Variants in NCKAP5L observed in about 807,000 individuals in gnomAD.
NCKAP5L encodes the protein NCK associated protein 5 like.
Under a neutral mutation model 103.2 loss-of-function variants are expected in NCKAP5L, and 54 were observed. The ratio of observed to expected loss-of-function variants is 0.52; its 90% CI spans 0.42 to 0.66. The LOEUF (loss-of-function observed/expected upper bound fraction) is 0.66. Among genes scored for constraint, NCKAP5L ranks in the 30% least tolerant of loss-of-function variants. The probability of loss-of-function intolerance (pLI) is 0.00; values close to 1 mark genes in which losing one functional copy is unlikely to be tolerated. For missense variants in NCKAP5L, 1,733 were observed against 1,750.6 expected (o/e 0.99, Z 0.18); for synonymous variants, 762 against 748.6 (o/e 1.02, Z -0.29).
In NCKAP5L at chr12:49,791,670, C is replaced by T. The variant is rs1945936030; in HGVS notation, c.*169G>A. On this transcript the variant is annotated 3_prime_UTR_variant, in exon 13 of 13. Transcript: ENST00000335999. ...AGCTGAGCACGGTCATCTCATCCGC[C>T]GAAGCAGTGGGTGGTGGGGTGTGCC... 5.2e-6 allele frequency: 3 copies of T among 576,752 alleles called. No individual in the cohort carries two copies. The highest frequency in any genetic ancestry group is 3.4e-5 in the Admixed American group (1 of 29,284). 35.7% of individuals were successfully genotyped at this position (576,752 alleles called of 1,614,324 possible).
chr12:49,819,049 AAG>A (rs1053481829), intron 1 of NCKAP5L, among the ~76,000 whole-genome samples: 1 of 150,812 alleles, frequency 6.6e-6, no homozygotes, highest in African/African-American at 2.4e-5. Context: ...AAAAAAAAAA[AAG>A]GCCGGGTGCA....
At chr12:49,823,453 C>T (rs1013082609) in intron 1 of NCKAP5L, among the ~76,000 whole-genome samples, 51 of 152,222 alleles carry the variant, frequency 3.4e-4, no homozygotes, top group African/African-American at 1.2e-3. Context: ...GGGCCCCTCA[C>T]AGCCCTGCCT....
chr12:49,818,552 A>G (rs948125581), intron 1 of NCKAP5L, among the ~76,000 whole-genome samples: 6 of 151,908 alleles, frequency 3.9e-5, no homozygotes, highest in African/African-American at 1.5e-4. Flanking sequence ...GTAGAGACAG[A>G]CTTTGACCAC....
chr12:49,815,184 GGAC>G (rs1205505213), intron 1 of NCKAP5L, among the ~76,000 whole-genome samples: 4 of 152,114 alleles, frequency 2.6e-5, no homozygotes, highest in Non-Finnish European at 5.9e-5. Context: ...GCAATACTTT[GGAC>G]TATGTAAATA....
At chr12:49,793,480 C>A (rs1945974849) in intron 9 of NCKAP5L, 47 bp from the exon 10 acceptor site, 3 of 1,569,800 alleles carry the variant, frequency 1.9e-6, no homozygotes, top group Non-Finnish European at 2.6e-6. Context: ...CCCCCCTCCA[C>A]ACCCCTCCCC....
At chr12:49,824,615 A>G (rs1946396554) in intron 1 of NCKAP5L, among the ~76,000 whole-genome samples, 1 of 152,264 alleles carries the variant, frequency 6.6e-6, no homozygotes, top group Non-Finnish European at 1.5e-5. Context: ...GTGTCCCCGG[A>G]GGGAACCAGT....
intron 1 of NCKAP5L, among the ~76,000 whole-genome samples, chr12:49,821,042 G>A (rs1946356133): frequency 6.6e-6 from 1 of 152,186 alleles, no homozygotes; most frequent in Non-Finnish European, 1.5e-5. Flanking sequence ...CCTTGTGCGG[G>A]GTAAGGGTGG....
rs1334779484 is a variant in NCKAP5L, at chr12:49,796,747, A to C, written c.1113T>G (p.Ser371=). The C allele has an allele frequency of 1.1e-5, 18 of 1,612,770 alleles. No individual in the cohort carries two copies. The highest frequency in any genetic ancestry group is 1.5e-5 in the Non-Finnish European group (18 of 1,179,500). ...SSPDQAPPQL[S]KSKGLPKSAW... is the part of the protein sequence containing the mutation. ...CTGACTTGGGGAGGCCTTTGGACTT[A>C]GACAGCTGTGGGGGCGCCTGGTCTG... is the stretch of plus-strand genomic sequence containing the variant. Residue 371 remains serine, a synonymous_variant, in exon 8 of 13, where the codon TCT becomes TCG. Transcript: ENST00000335999.
Position 49,794,940 on chromosome 12 carries a change from TG to T in NCKAP5L, c.2919del (p.Lys974ArgfsTer16). 6.3e-7 allele frequency: 1 copy of T among 1,574,980 alleles called. No individual in the cohort carries two copies. The highest frequency in any genetic ancestry group is 8.6e-7 in the Non-Finnish European group (1 of 1,161,406). On this transcript the variant is annotated frameshift_variant, in exon 8 of 13. Transcript: ENST00000335999. LOFTEE classifies it high-confidence loss of function. Reference protein sequence around the residue: ...AESLNISKLMAKAEDLRRALE... With the variant: ...AESLNISKLMXKAEDLRRALE... ...AGTGCCCGACGCAGGTCTTCCGCCT[TG>T]GCCATCAGCTTGGAGATGTTGAGGC...
rs1162855537 is a variant in NCKAP5L at position 49,802,217 on chromosome 12, T to A, written c.232-250A>T. On this transcript the variant is annotated intron_variant, in intron 5 of 12. Coordinates refer to ENST00000335999, the MANE Select transcript of NCKAP5L (RefSeq NM_001037806.4). ...GAGGTAAATCCTATTCTCTTTGTTA[T>A]CTTTCTCATCCCTAGAATCGACCCC... 9.7e-6 allele frequency: 4 copies of A among 411,958 alleles called. No individual in the cohort carries two copies. In the East Asian group the frequency reaches 1.6e-4, roughly 17 times the overall value. 25.5% of individuals were successfully genotyped at this position (411,958 alleles called of 1,614,324 possible).
At position 49,820,756 on chromosome 12, in the gene NCKAP5L, C is replaced by T. The variant is rs75975380; in HGVS notation, c.-99+7566G>A. 3.8e-3 allele frequency among the ~76,000 whole-genome samples: 586 copies of T among 152,342 alleles called. 3 individuals carry two copies. The highest frequency in any genetic ancestry group is 0.013 in the African/African-American group (537 of 41,578). ...GTGACACCCCAAGCTGTCAGCTCTA[C>T]GCTGGGAGGAGAAAACAGCTCTGGT... On this transcript the variant is annotated intron_variant, in intron 1 of 12. Coordinates refer to ENST00000335999, the MANE Select transcript of NCKAP5L (RefSeq NM_001037806.4).
rs750564002 is a variant in NCKAP5L at position 49,796,319 on chromosome 12, T to A, written c.1541A>T (p.Glu514Val). ...GCTGGTGGGCAGGCCTTGCGCCCCC[T>A]CTGGGGACAGCTCTCCTCCACCCAG... The part of the protein sequence containing the change: ...RGLGGGELSP[E>V]GAQGLPTSPS... The change falls in exon 8 of 13, where the codon GAG (glutamate) becomes GTG (valine). Residue 514 changes from glutamate to valine, a missense_variant. Transcript: ENST00000335999. 1.9e-6 allele frequency: 3 copies of A among 1,544,324 alleles called. No homozygotes were observed. Among genetic ancestry groups the A allele is most frequent in the Non-Finnish European group, 2.6e-6 (3 of 1,145,326 alleles).
rs1441127003 is a variant in NCKAP5L, at chr12:49,797,206, C to T, written c.654G>A (p.Gly218=). 6.2e-7 allele frequency: 1 copy of T among 1,613,214 alleles called. No homozygotes were observed. The highest frequency in any genetic ancestry group is 1.1e-5 in the South Asian group (1 of 91,054). ...PATPWRPPGQ[G]PGSPEPINGE... ...CGTTGATGGGCTCTGGGGAGCCAGG[C>T]CCCTGGCCTGGAGGCCGCCAGGGGG... The change falls in exon 8 of 13, where the codon GGG becomes GGA. Residue 218 remains glycine, a synonymous_variant. Transcript: ENST00000335999. The surrounding 1 kb of genome is among the most constrained non-coding windows in gnomAD (Gnocchi z 4.5).
At chr12:49,807,595 C>T (rs1248708806) in intron 1 of NCKAP5L, among the ~76,000 whole-genome samples, 1 of 152,184 alleles carries the variant, frequency 6.6e-6, no homozygotes, top group Non-Finnish European at 1.5e-5. Context: ...TTGCTCATAA[C>T]ATTATCACGT....
intron 2 of NCKAP5L, 35 bp from the exon 3 acceptor site, chr12:49,804,115 G>A: frequency 1.9e-6 from 3 of 1,582,690 alleles, no homozygotes; most frequent in South Asian, 2.2e-5. Context: ...TGAGAAGGAG[G>A]AGGACAAAGA....
intron 1 of NCKAP5L, among the ~76,000 whole-genome samples, chr12:49,814,749 T>C (rs763778988): frequency 1.2e-4 from 19 of 152,210 alleles, no homozygotes; most frequent in Non-Finnish European, 2.2e-4. Flanking sequence ...AATGAAACTA[T>C]AGCCTTTATA....
chr12:49,811,208 C>T (rs766235369), intron 1 of NCKAP5L, among the ~76,000 whole-genome samples: 4 of 152,192 alleles, frequency 2.6e-5, no homozygotes, highest in East Asian at 1.9e-4. Flanking sequence ...CTTGTGCTTA[C>T]GCGCTCTCTC....
In NCKAP5L at chr12:49,796,201, A is replaced by C; in HGVS notation, c.1659T>G (p.Ser553=). The change falls in exon 8 of 13, where the codon TCT becomes TCG. Residue 553 remains serine (S), a synonymous_variant. Coordinates refer to ENST00000335999, the MANE Select transcript of NCKAP5L (RefSeq NM_001037806.4). The part of the protein sequence containing the change: ...STTLSPGPVV[S]PCYENILDLS... ...GGTCCAGAATGTTCTCATAGCAGGG[A>C]GACACCACTGGGCCTGGGGACAGCG... The C allele has an allele frequency of 6.2e-7, 1 of 1,600,338 alleles. No homozygotes were observed. Among genetic ancestry groups the C allele is most frequent in the Non-Finnish European group, 8.5e-7 (1 of 1,173,618 alleles).
At chr12:49,800,126 C>T (rs960672748) in intron 6 of NCKAP5L, among the ~76,000 whole-genome samples, 9 of 152,224 alleles carry the variant, frequency 5.9e-5, no homozygotes, top group African/African-American at 2.2e-4. Context: ...GCCCGGGAGG[C>T]AGAGGTTGCG....
Sources: allele counts gnomAD v4.1 joint callset (sites outside exome capture counted in the v4.1 genomes callset), GRCh38; gene constraint gnomAD v4.1.1; non-coding constraint Gnocchi (gnomAD v3.1); transcripts MANE v1.5; gene names NCBI Gene and HGNC (gene_info 2026-07-23, HGNC 2026-07-21).